KLHL6: variants seen among roughly 807,000 people sequenced by gnomAD.
KLHL6 encodes kelch like family member 6.
Under a neutral mutation model 58.6 loss-of-function variants are expected in KLHL6, and 41 were observed. The ratio of observed to expected loss-of-function variants is 0.70; its 90% CI spans 0.55 to 0.91. The LOEUF (loss-of-function observed/expected upper bound fraction) is 0.91, where lower values mean the gene tolerates loss of function less well. Among genes scored for constraint, KLHL6 ranks in the 40% least tolerant of loss-of-function variants. The pLI is 0.00. For missense variants in KLHL6, 714 were observed against 805.6 expected, an observed-to-expected ratio of 0.89 and a Z score of 1.38; for synonymous variants, 338 against 322.7, an observed-to-expected ratio of 1.05 and a Z score of -0.51.
chr3:183,555,582 CA>C lies in KLHL6; in HGVS notation c.71del (p.Leu24ArgfsTer19), dbSNP rs1200106594. 2 of 1,614,074 alleles carry C rather than the reference CA, an allele frequency of 1.2e-6. No homozygotes were observed. The highest frequency in any genetic ancestry group is 8.5e-7 in the Non-Finnish European group (1 of 1,180,012). ...DVVEKSLEGP[L>X]APSTDEPSQK... The stretch of plus-strand genomic sequence containing the variant: ...GGGAGGGCTCATCTGTAGAAGGTGC[CA>C]GGGGCCCTTCCAAACTCTTCTCGAC... On this transcript the variant is annotated frameshift_variant, in exon 1 of 7. Coordinates refer to ENST00000341319, the MANE Select transcript of KLHL6 (RefSeq NM_130446.4). LOFTEE classifies it high-confidence loss of function.
At chr3:183,511,911 T>C (rs1442225751) in intron 2 of KLHL6, among the ~76,000 whole-genome samples, 1 of 152,050 alleles carries the variant, frequency 6.6e-6, no homozygotes, top group Non-Finnish European at 1.5e-5. Flanking sequence ...AACAGTCTGA[T>C]CTCTCTTTTC....
intron 1 of KLHL6, among the ~76,000 whole-genome samples, chr3:183,533,176 G>A (rs1321662541): frequency 6.6e-6 from 1 of 152,088 alleles, no homozygotes. Context: ...TCAACACGGA[G>A]GGGATTACAC....
chr3:183,500,385 T>C (rs1391937716), intron 3 of KLHL6, among the ~76,000 whole-genome samples: 2 of 152,192 alleles, frequency 1.3e-5, no homozygotes. Flanking sequence ...GGTTCCAACA[T>C]ACAGCATATG....
At chr3:183,553,809 T>C (rs993735046) in intron 1 of KLHL6, among the ~76,000 whole-genome samples, 1 of 152,058 alleles carries the variant, frequency 6.6e-6, no homozygotes, top group Admixed American at 6.6e-5. Context: ...ATCATGCTGT[T>C]ACAAAAATAA....
At chr3:183,517,567 C>T (rs1166164338) in intron 2 of KLHL6, among the ~76,000 whole-genome samples, 1 of 152,178 alleles carries the variant, frequency 6.6e-6, no homozygotes, top group Non-Finnish European at 1.5e-5. Flanking sequence ...GACCTGCTCA[C>T]TAAGGCAGGG....
At chr3:183,541,966 T>G (rs1410318552) in intron 1 of KLHL6, among the ~76,000 whole-genome samples, 1 of 151,830 alleles carries the variant, frequency 6.6e-6, no homozygotes, top group Non-Finnish European at 1.5e-5. Context: ...AAGAGTGGAG[T>G]CAGTTTGCTT....
At position 183,555,511 on chromosome 3, in the gene KLHL6, T is replaced by A; in HGVS notation, c.143A>T (p.Lys48Ile). Reference protein sequence around the residue: ...LVEILNGEKVKFDDAGLSLIL... With the variant: ...LVEILNGEKVIFDDAGLSLIL... ...TAAGGAGAGTCCCGCGTCGTCAAAT[T>A]TGACCTTTTCCCCATTTAAGATCTC... is the stretch of plus-strand genomic sequence containing the variant. Residue 48 changes from lysine (K) to isoleucine (I), a missense_variant, in exon 1 of 7, where the codon AAA (lysine) becomes ATA (isoleucine). Transcript: ENST00000341319. The A allele has an allele frequency of 6.2e-7, 1 of 1,614,140 alleles. No individual in the cohort carries two copies. The highest frequency in any genetic ancestry group is 8.5e-7 in the Non-Finnish European group (1 of 1,180,038).
chr3:183,541,122 G>GAAAAA lies in KLHL6; in HGVS notation c.294-13113_294-13112insTTTTT, dbSNP rs1317215307. On this transcript the variant is annotated intron_variant, in intron 1 of 6. Transcript: ENST00000341319. Reference sequence around the variant, plus strand: ...GTTCTAACCACTTAGAAACTTGCAAGCTGGCACTGGCCCCAGTCTTTACCC... The same window carrying GAAAAA: ...GTTCTAACCACTTAGAAACTTGCAAGAAAAACTGGCACTGGCCCCAGTCTTTACCC... 6.6e-5 allele frequency among the ~76,000 whole-genome samples: 10 copies of GAAAAA among 152,322 alleles called. No homozygotes were observed. In the East Asian group the frequency reaches 1.2e-3, roughly 18 times the overall value.
At chr3:183,550,254 A>G (rs1278137145) in intron 1 of KLHL6, among the ~76,000 whole-genome samples, 1 of 152,236 alleles carries the variant, frequency 6.6e-6, no homozygotes. Flanking sequence ...AGACTGTTCT[A>G]GAAGTCCACA....
chr3:183,531,893 T>C (rs76096663), intron 1 of KLHL6, among the ~76,000 whole-genome samples: 2,281 of 152,352 alleles, frequency 0.015, 54 homozygotes, highest in African/African-American at 0.052. Flanking sequence ...ACATAAAGTC[T>C]CACCCATATG....
At chr3:183,519,312 G>A (rs1034870923) in intron 2 of KLHL6, among the ~76,000 whole-genome samples, 1 of 152,172 alleles carries the variant, frequency 6.6e-6, no homozygotes, top group African/African-American at 2.4e-5. Context: ...GGTAGGACTG[G>A]GGACTTGTTG....
intron 2 of KLHL6, among the ~76,000 whole-genome samples, chr3:183,514,486 C>T (rs960781183): frequency 3.3e-5 from 5 of 151,990 alleles, no homozygotes; most frequent in Admixed American, 6.6e-5. Context: ...TATGATCCTA[C>T]GCGCCTCACC....
chr3:183,503,338 G>A (rs1361571843), intron 3 of KLHL6, among the ~76,000 whole-genome samples: 4 of 152,240 alleles, frequency 2.6e-5, no homozygotes, highest in Non-Finnish European at 5.9e-5. Flanking sequence ...GCAGTTAAAT[G>A]AAGAGGCAAA....
At chr3:183,496,279 A>G (rs558198502) in intron 4 of KLHL6, among the ~76,000 whole-genome samples, 1 of 152,282 alleles carries the variant, frequency 6.6e-6, no homozygotes, top group South Asian at 2.1e-4. Context: ...AATAAATACA[A>G]TTATCTGGTA....
At chr3:183,554,217 A>G (rs9846646) in intron 1 of KLHL6, among the ~76,000 whole-genome samples, 20,033 of 152,176 alleles carry the variant, frequency 0.13, 2,115 homozygotes, top group African/African-American at 0.29. Context: ...CTGGGTTCCC[A>G]GCGCTATAAA....
At chr3:183,550,721 A>C (rs73190811) in intron 1 of KLHL6, among the ~76,000 whole-genome samples, 1 of 152,104 alleles carries the variant, frequency 6.6e-6, no homozygotes, top group Non-Finnish European at 1.5e-5. Context: ...GCTTGAGCCC[A>C]GGGAGGCTGC....
intron 3 of KLHL6, among the ~76,000 whole-genome samples, chr3:183,505,340 T>C (rs1717973013): frequency 1.3e-5 from 2 of 152,212 alleles, no homozygotes; most frequent in South Asian, 2.1e-4. Context: ...CAGGATTTAT[T>C]TGCAAAAAAT....
chr3:183,508,400 T>G lies in KLHL6; in HGVS notation c.568A>C (p.Lys190Gln). 1 of 1,614,222 alleles carries G rather than the reference T, an allele frequency of 6.2e-7. No homozygotes were observed. The highest frequency in any genetic ancestry group is 8.5e-7 in the Non-Finnish European group (1 of 1,180,040). The change falls in exon 3 of 7, where the codon AAG becomes CAG. Residue 190 changes from lysine (K) to glutamine (Q), a missense_variant. Physicochemically the swap from Lys to Gln is moderately conservative, Grantham distance 53. Around this residue, in one of 2 missense-constraint regions of KLHL6, gnomAD observed 510 missense variants for 629.7 expected, o/e 0.81. Coordinates refer to ENST00000341319, the MANE Select transcript of KLHL6 (RefSeq NM_130446.4). The stretch of plus-strand genomic sequence containing the variant: ...ATGATGTAACTCTGAACCTGCTTCT[T>G]TAGACTGTCCAGCGAGTGTGTGTCA... ...LADTHSLDSL[K>Q]KQVQSYIIQN... is the part of the protein sequence containing the mutation.
chr3:183,506,339 A>AATTTACTAATTTAC (rs1718001266), intron 3 of KLHL6, among the ~76,000 whole-genome samples: 1 of 152,232 alleles, frequency 6.6e-6, no homozygotes, highest in South Asian at 2.1e-4. Flanking sequence ...ATCATTCAAC[A>AATTTACTAATTTAC]AGCATTTACT....
Sources: gnomAD v4.1 joint callset for allele counts (sites outside exome capture counted in the v4.1 genomes callset) on GRCh38, gnomAD v4.1.1 for gene constraint, gnomAD v4.1.1 regional missense constraint, MANE v1.5 for transcripts, NCBI Gene and HGNC (gene_info 2026-07-23, HGNC 2026-07-21) for gene names.